Variants in LINGO2 observed in about 807,000 individuals in gnomAD.
LINGO2 encodes leucine rich repeat and Ig domain containing 2.
In LINGO2, 14 loss-of-function variants were observed where a neutral mutation model predicts 30.6. That is an observed-to-expected ratio of 0.46 (90% CI 0.30 to 0.72). The LOEUF (loss-of-function observed/expected upper bound fraction) is 0.72, where lower values mean the gene tolerates loss of function less well. Ranked by LOEUF, LINGO2 falls within the 30% of genes least tolerant of loss-of-function variation. LINGO2 has a pLI of 0.07. For missense variants in LINGO2, 729 were observed against 751.7 expected, an observed-to-expected ratio of 0.97 and a Z score of 0.35; for synonymous variants, 317 against 288.5, an observed-to-expected ratio of 1.10 and a Z score of -1.00.
chr9:28,227,660 A>C (rs570678269), intron 4 of LINGO2, among the ~76,000 whole-genome samples: 2 of 152,226 alleles, frequency 1.3e-5, no homozygotes, highest in South Asian at 4.1e-4. Flanking sequence ...AATGACTCCT[A>C]AAAGACTGTT....
chr9:28,047,374 A>G lies in LINGO2; in HGVS notation c.-86-34969T>C, dbSNP rs531295723. Among the ~76,000 whole-genome samples, 30 of 141,092 alleles carry G rather than the reference A, an allele frequency of 2.1e-4. 2 individuals are homozygous for G. The highest frequency in any genetic ancestry group is 1.2e-3 in the Admixed American group (17 of 13,620). The allele number at this position is 141,092 out of a possible 152,430, so 92.6% of individuals were successfully genotyped here. A position where few individuals can be genotyped will look rare whatever the true frequency, so the allele number is the denominator to read the frequency against. ...GGTCATACTGTATGAAAGATCTACT[A>G]AACAACTGAGTTTTTTCATATTCAA... is the stretch of plus-strand genomic sequence containing the variant. On this transcript the variant is annotated intron_variant, in intron 4 of 5. Coordinates refer to ENST00000379992, the Ensembl canonical transcript of LINGO2.
the LINGO2 span, among the ~76,000 whole-genome samples, chr9:29,052,297 A>G: frequency 6.6e-6 from 1 of 152,268 alleles, no homozygotes; most frequent in South Asian, 2.1e-4. Context: ...AAATGTTACT[A>G]AGCACTTCTA....
At chr9:28,650,692 C>G (rs189587256) in intron 1 of LINGO2, among the ~76,000 whole-genome samples, 50 of 152,222 alleles carry the variant, frequency 3.3e-4, no homozygotes, top group Non-Finnish European at 4.4e-4. Flanking sequence ...CTACTTATGT[C>G]TAATAAACGA....
At chr9:28,552,963 A>G (rs1034173372) in intron 1 of LINGO2, among the ~76,000 whole-genome samples, 9 of 150,734 alleles carry the variant, frequency 6.0e-5, no homozygotes, top group African/African-American at 2.2e-4. Flanking sequence ...AATCCCAGAT[A>G]TTTTGAAGCT....
the LINGO2 span, among the ~76,000 whole-genome samples, chr9:28,945,515 A>G: frequency 3.3e-5 from 5 of 152,174 alleles, no homozygotes; most frequent in African/African-American, 1.2e-4. Flanking sequence ...GTTCAATTCT[A>G]TCTCCAACAA....
chr9:28,123,145 C>T (rs759444650), intron 4 of LINGO2, among the ~76,000 whole-genome samples: 4 of 152,026 alleles, frequency 2.6e-5, no homozygotes, highest in Admixed American at 1.3e-4. Flanking sequence ...GATTGAATAA[C>T]GGTGAATGGA....
chr9:28,867,586 T>A, the LINGO2 span, among the ~76,000 whole-genome samples: 1 of 152,148 alleles, frequency 6.6e-6, no homozygotes, highest in African/African-American at 2.4e-5. Context: ...TTAACTATTT[T>A]TTAAAAAGAA....
intron 1 of LINGO2, among the ~76,000 whole-genome samples, chr9:28,632,031 A>T (rs72715220): frequency 0.021 from 3,182 of 152,264 alleles, 63 homozygotes; most frequent in Admixed American, 0.031. Context: ...ATAGATGTCA[A>T]CATCCAGTGT....
intron 4 of LINGO2, among the ~76,000 whole-genome samples, chr9:28,031,165 C>T (rs985292847): frequency 1.3e-5 from 2 of 152,098 alleles, no homozygotes; most frequent in African/African-American, 4.8e-5. Context: ...GGGAGAAACA[C>T]TCATCTTCCT....
intron 4 of LINGO2, among the ~76,000 whole-genome samples, chr9:28,089,800 A>G (rs887527995): frequency 5.9e-5 from 9 of 152,362 alleles, no homozygotes; most frequent in Admixed American, 5.2e-4. Flanking sequence ...AAAGATCAAC[A>G]AAATTGATAG....
At chr9:28,426,470 G>A (rs1823418212) in intron 2 of LINGO2, among the ~76,000 whole-genome samples, 1 of 152,010 alleles carries the variant, frequency 6.6e-6, no homozygotes, top group African/African-American at 2.4e-5. Context: ...AGGTAAAAAG[G>A]ATGAAATGAA....
intron 4 of LINGO2, among the ~76,000 whole-genome samples, chr9:28,291,463 G>C (rs1823726328): frequency 6.6e-6 from 1 of 152,162 alleles, no homozygotes. Context: ...ATAATGCAAT[G>C]AACAAAATGG....
At chr9:28,428,479 A>T (rs1355529075) in intron 2 of LINGO2, among the ~76,000 whole-genome samples, 3 of 152,250 alleles carry the variant, frequency 2.0e-5, no homozygotes, top group South Asian at 2.1e-4. Flanking sequence ...TTCATGTCTA[A>T]TCAATTCTTT....
chr9:28,682,146 C>G, the LINGO2 span, among the ~76,000 whole-genome samples: 1 of 152,140 alleles, frequency 6.6e-6, no homozygotes, highest in Non-Finnish European at 1.5e-5. Context: ...ATTCTTGATC[C>G]TATATGCTGC....
intron 4 of LINGO2, among the ~76,000 whole-genome samples, chr9:28,134,324 T>C (rs1258945718): frequency 1.3e-5 from 2 of 152,210 alleles, no homozygotes; most frequent in Non-Finnish European, 2.9e-5. Flanking sequence ...TATATGGTTA[T>C]TGTTTACCTA....
chr9:28,953,371 T>A, the LINGO2 span, among the ~76,000 whole-genome samples: 1 of 152,250 alleles, frequency 6.6e-6, no homozygotes, highest in South Asian at 2.1e-4. Context: ...TTAATGTATA[T>A]AAATTTTCAT....
chr9:28,172,147 T>A (rs1181680859), intron 4 of LINGO2, among the ~76,000 whole-genome samples: 3 of 150,388 alleles, frequency 2.0e-5, no homozygotes, highest in Non-Finnish European at 4.4e-5. Flanking sequence ...ATCCCAGCAC[T>A]TTGGGAGGCC....
chr9:28,978,723 C>G, the LINGO2 span, among the ~76,000 whole-genome samples: 2 of 151,846 alleles, frequency 1.3e-5, no homozygotes, highest in Admixed American at 1.3e-4. Context: ...TAATCAATGC[C>G]AAGCATTACA....
chr9:29,032,992 T>C, the LINGO2 span, among the ~76,000 whole-genome samples: 1 of 152,152 alleles, frequency 6.6e-6, no homozygotes, highest in African/African-American at 2.4e-5. Flanking sequence ...ATTACAATTA[T>C]GCCATATAGA....
Sources: allele counts gnomAD v4.1 joint callset (sites outside exome capture counted in the v4.1 genomes callset), GRCh38; gene constraint gnomAD v4.1.1; transcripts MANE v1.5; gene names NCBI Gene and HGNC (gene_info 2026-07-23, HGNC 2026-07-21).